INPP5B: variants seen among roughly 807,000 people sequenced by gnomAD.
The protein encoded by INPP5B is inositol polyphosphate-5-phosphatase B, also known as type II inositol 1,4,5-trisphosphate 5-phosphatase.
A neutral mutation model predicts 118.5 loss-of-function variants in INPP5B; 90 were observed. That is an observed-to-expected ratio of 0.76 (90% CI 0.64 to 0.90). The LOEUF is 0.90. Ranked by LOEUF, INPP5B falls within the 40% of genes least tolerant of loss-of-function variation. INPP5B has a pLI of 0.00. For missense variants in INPP5B, 984 were observed against 1,125.6 expected (o/e 0.87, Z 1.80); for synonymous variants, 385 against 418.9 (o/e 0.92, Z 0.99).
At chr1:37,933,421 G>A (rs866919958) in intron 6 of INPP5B, among the ~76,000 whole-genome samples, 2 of 152,082 alleles carry the variant, frequency 1.3e-5, no homozygotes, top group Non-Finnish European at 2.9e-5. Flanking sequence ...GGTGGCATGC[G>A]CCTGTAGTCC....
intron 7 of INPP5B, among the ~76,000 whole-genome samples, chr1:37,894,567 T>C (rs988108643): frequency 2.8e-4 from 34 of 123,590 alleles, no homozygotes; most frequent in African/African-American, 8.8e-4. Context: ...TTTTCTTTTT[T>C]TTTTTTTTTT....
intron 6 of INPP5B, among the ~76,000 whole-genome samples, chr1:37,936,392 G>A (rs1418495486): frequency 6.6e-6 from 1 of 152,234 alleles, no homozygotes; most frequent in South Asian, 2.1e-4. Flanking sequence ...AGGCCGAGGC[G>A]GGCGGATCAC....
At position 37,940,813 on chromosome 1, in the gene INPP5B, C is replaced by T. The variant is rs755191920; in HGVS notation, c.281-15G>A. 3.8e-6 allele frequency: 6 copies of T among 1,587,914 alleles called. No homozygotes were observed. Among genetic ancestry groups the T allele is most frequent in the Non-Finnish European group, 5.2e-6 (6 of 1,156,750 alleles). On this transcript the variant is annotated splice_polypyrimidine_tract_variant and intron_variant, in intron 5 of 23. Coordinates refer to ENST00000373024, the MANE Select transcript of INPP5B (RefSeq NM_005540.3). ...CACATCTGAGCCTGCACAAAGGAGGCAGGAAATGAACCCTTGGCTGCCAGG... is the reference window on the plus strand; with the variant it reads ...CACATCTGAGCCTGCACAAAGGAGGTAGGAAATGAACCCTTGGCTGCCAGG...
chr1:37,862,832 A>T (rs2148436170), intron 23 of INPP5B, among the ~76,000 whole-genome samples: 1 of 152,278 alleles, frequency 6.6e-6, no homozygotes, highest in South Asian at 2.1e-4. Context: ...GTTCAAGACC[A>T]GCTAGGCCAA....
chr1:37,921,049 T>C (rs1338427162), intron 7 of INPP5B, among the ~76,000 whole-genome samples: 1 of 152,076 alleles, frequency 6.6e-6, no homozygotes, highest in East Asian at 1.9e-4. Flanking sequence ...GAGTTTGCAG[T>C]GAGCCGAGAT....
intron 19 of INPP5B, among the ~76,000 whole-genome samples, chr1:37,872,426 G>A (rs1642517558): frequency 6.6e-6 from 1 of 150,842 alleles, no homozygotes; most frequent in African/African-American, 2.4e-5. Flanking sequence ...ATCTAGTCTG[G>A]CTTCACAACT....
chr1:37,888,099 A>G (rs1157757853), intron 10 of INPP5B, 144 bp downstream of exon 10: 1 of 472,160 alleles, frequency 2.1e-6, no homozygotes, highest in Non-Finnish European at 3.6e-6. Flanking sequence ...TTTGCTTGCC[A>G]TGAGGAAGAA....
intron 6 of INPP5B, among the ~76,000 whole-genome samples, chr1:37,938,098 T>C (rs1444520948): frequency 6.6e-6 from 1 of 151,118 alleles, no homozygotes; most frequent in Non-Finnish European, 1.5e-5. Context: ...TGGTGAAACC[T>C]TGTCTCTACT....
chr1:37,912,830 C>T (rs1156560938), intron 7 of INPP5B, among the ~76,000 whole-genome samples: 1 of 152,102 alleles, frequency 6.6e-6, no homozygotes, highest in Non-Finnish European at 1.5e-5. Context: ...GCTATCTCCA[C>T]CACACTATCA....
At chr1:37,879,245 C>G (rs933412533) in intron 15 of INPP5B, among the ~76,000 whole-genome samples, 13 of 150,856 alleles carry the variant, frequency 8.6e-5, no homozygotes, top group African/African-American at 3.2e-4. Context: ...GCACTACAGC[C>G]TGGCGACAGA....
In INPP5B at chr1:37,862,197, A is replaced by C. The variant is rs1223613496; in HGVS notation, c.*118T>G. 2 of 685,474 alleles carry C rather than the reference A, an allele frequency of 2.9e-6. No individual in the cohort carries two copies. Among genetic ancestry groups the C allele is most frequent in the Non-Finnish European group, 2.6e-6 (1 of 381,952 alleles). 42.5% of individuals were successfully genotyped at this position (685,474 alleles called of 1,614,324 possible). On this transcript the variant is annotated 3_prime_UTR_variant, in exon 24 of 24. Coordinates refer to ENST00000373024, the MANE Select transcript of INPP5B (RefSeq NM_005540.3). ...CTTAATTGGGGTACTAGGCTCAGGA[A>C]ATAGCTGCCATTCTTGCTACCAAGT...
At chr1:37,876,747 G>A (rs1253770946) in intron 16 of INPP5B, among the ~76,000 whole-genome samples, 1 of 151,232 alleles carries the variant, frequency 6.6e-6, no homozygotes, top group Non-Finnish European at 1.5e-5. Context: ...GTGGTGGCGG[G>A]CGCCTGCCTG....
chr1:37,872,854 T>C (rs1250019667), intron 19 of INPP5B, 76 bp downstream of exon 19: 3 of 1,073,062 alleles, frequency 2.8e-6, no homozygotes, highest in Non-Finnish European at 4.2e-6. Context: ...CCTAGGAAGG[T>C]AGGCATAGGA....
chr1:37,943,806 C>G lies in INPP5B; in HGVS notation c.240G>C (p.Thr80=). 6.2e-7 allele frequency: 1 copy of G among 1,614,004 alleles called. No individual in the cohort carries two copies. Residue 80 remains threonine, a synonymous_variant, in exon 4 of 24, where the codon ACG becomes ACC. Transcript: ENST00000373024. ...AGCCCCCTGTGGCACCTTCTTCCAG[C>G]GTAAAATCCCGCGAGACTGGCACTA... ...DQIVPVSRDF[T]LEEVSPDGEL...
At chr1:37,917,308 T>TCATATATATATATATATATATA (rs1553159487) in intron 7 of INPP5B, among the ~76,000 whole-genome samples, 1 of 92,796 alleles carries the variant, frequency 1.1e-5, no homozygotes, top group Non-Finnish European at 2.0e-5. Context: ...AAAAAAATAA[T>TCATATATATATATATATATATA]TATATATATA....
At chr1:37,875,873 G>C (rs968540113) in intron 16 of INPP5B, among the ~76,000 whole-genome samples, 157 bp from the exon 17 acceptor site, 11 of 152,166 alleles carry the variant, frequency 7.2e-5, no homozygotes, top group South Asian at 4.1e-4. Flanking sequence ...ATTAACAATT[G>C]ACTTAGAAGG....
intron 7 of INPP5B, among the ~76,000 whole-genome samples, chr1:37,911,757 C>T (rs1644707238): frequency 6.6e-6 from 1 of 152,138 alleles, no homozygotes; most frequent in South Asian, 2.1e-4. Context: ...TCATTAATGC[C>T]TCTTTAATAA....
At chr1:37,880,304 A>T (rs2148489594) in intron 14 of INPP5B, 110 bp from the exon 15 acceptor site, 2 of 755,350 alleles carry the variant, frequency 2.6e-6, no homozygotes, top group East Asian at 5.1e-5. Context: ...CAAAGGAAAA[A>T]GCCCCAAAAG....
rs866546957 is a variant in INPP5B, at chr1:37,876,569, A to G, written c.1678-853T>C. On this transcript the variant is annotated intron_variant, in intron 16 of 23. Coordinates refer to ENST00000373024, the MANE Select transcript of INPP5B (RefSeq NM_005540.3). ...TGTCTCTTTAAAAAAAAAAAAAAAA[A>G]AAAAAAAAAAAAGGGCCCGGTGGCT... Among the ~76,000 whole-genome samples, 101 of 148,586 alleles carry G rather than the reference A, an allele frequency of 6.8e-4. 1 individual carries two copies. The South Asian group carries it at 9.3e-3, about 14-fold the overall frequency.
Sources: gnomAD v4.1 joint callset for allele counts (sites outside exome capture counted in the v4.1 genomes callset) on GRCh38, gnomAD v4.1.1 for gene constraint, MANE v1.5 for transcripts, NCBI Gene and HGNC (gene_info 2026-07-23, HGNC 2026-07-21) for gene names.